AQR: variants seen among roughly 807,000 people sequenced by gnomAD.
AQR encodes aquarius intron-binding spliceosomal factor.
Under a neutral mutation model 180.5 loss-of-function variants are expected in AQR, and 61 were observed. That is an observed-to-expected ratio of 0.34 (90% CI 0.28 to 0.42). The LOEUF (loss-of-function observed/expected upper bound fraction) is 0.42. Ranked by LOEUF, AQR falls within the 10% of genes least tolerant of loss-of-function variation. The pLI, the probability that AQR is intolerant of heterozygous loss-of-function variation, is 1.00. For missense variants in AQR, 1,281 were observed against 1,798.3 expected (o/e 0.71, Z 5.20); for synonymous variants, 551 against 588.8 (o/e 0.94, Z 0.93).
At chr15:34,879,768 A>G (rs988732481) in intron 27 of AQR, among the ~76,000 whole-genome samples, 5 of 152,248 alleles carry the variant, frequency 3.3e-5, no homozygotes, top group African/African-American at 1.2e-4. Flanking sequence ...CTCACCCCCA[A>G]TAGACAACAG....
intron 3 of AQR, among the ~76,000 whole-genome samples, chr15:34,960,457 A>G (rs993273481): frequency 6.6e-6 from 1 of 152,134 alleles, no homozygotes; most frequent in Non-Finnish European, 1.5e-5. Context: ...TCTTACTTTC[A>G]TAACTTTTTA....
At chr15:34,895,188 ATATATATATATATAT>A (rs1358610994) in intron 22 of AQR, among the ~76,000 whole-genome samples, 17 of 11,300 alleles carry the variant, frequency 1.5e-3, no homozygotes, top group Middle Eastern at 0.083. Flanking sequence ...AAAAAAAAAA[ATATATATATATATAT>A]ATATATATAT....
At chr15:34,886,705 G>T in intron 24 of AQR, 44 bp from the exon 25 acceptor site, 1 of 1,548,170 alleles carries the variant, frequency 6.5e-7, no homozygotes, top group South Asian at 1.2e-5. Context: ...GTAATAAAGA[G>T]ACTTTGAAGG....
rs1229652190 is a variant in AQR, at chr15:34,900,920, C to A, written c.2002-57G>T. On this transcript the variant is annotated intron_variant, in intron 19 of 34. Coordinates refer to ENST00000156471, the MANE Select transcript of AQR (RefSeq NM_014691.3). ...CAGTATGACATCTCCAACATTTGCA[C>A]TTACTGGAATGCAGAGCTGGCTGCA... The A allele has an allele frequency of 2.6e-6, 4 of 1,525,984 alleles. No individual in the cohort carries two copies. The African/African-American group carries it at 5.5e-5, about 21-fold the overall frequency. 94.5% of individuals were successfully genotyped at this position (1,525,984 alleles called of 1,614,324 possible). A position where few individuals can be genotyped will look rare whatever the true frequency, so the allele number is the denominator to read the frequency against.
chr15:34,950,084 CTTTTTTTTTTTT>C (rs1174370425), intron 4 of AQR, among the ~76,000 whole-genome samples: 5 of 74,058 alleles, frequency 6.8e-5, no homozygotes, highest in Non-Finnish European at 9.1e-5. Flanking sequence ...TGCTATTTTC[CTTTTTTTTTTTT>C]TTTTTTTTTT....
chr15:34,921,882 C>T (rs1893689396), intron 13 of AQR, among the ~76,000 whole-genome samples: 1 of 152,164 alleles, frequency 6.6e-6, no homozygotes, highest in Admixed American at 6.5e-5. Flanking sequence ...ATGATCTCAG[C>T]TCACTGTTAC....
chr15:34,867,440 A>G, intron 32 of AQR, 84 bp downstream of exon 32: 1 of 1,211,066 alleles, frequency 8.3e-7, no homozygotes, highest in Non-Finnish European at 1.2e-6. Context: ...CTTAAAAAAT[A>G]TTTAGAACAC....
intron 15 of AQR, 98 bp from the exon 16 acceptor site, chr15:34,915,277 G>A (rs954991808): frequency 5.9e-5 from 70 of 1,189,838 alleles, no homozygotes; most frequent in Non-Finnish European, 7.2e-5. Flanking sequence ...TGCAACCTCC[G>A]CCTCCCAGAT....
At chr15:34,958,561 T>C (rs1424438041) in intron 3 of AQR, among the ~76,000 whole-genome samples, 2 of 152,140 alleles carry the variant, frequency 1.3e-5, no homozygotes, top group Non-Finnish European at 2.9e-5. Flanking sequence ...GAGAGCTACA[T>C]ATAAAAAGCA....
intron 9 of AQR, 78 bp from the exon 10 acceptor site, chr15:34,934,713 T>A: frequency 1.1e-6 from 1 of 882,482 alleles, no homozygotes. Flanking sequence ...CTGGCAGTTA[T>A]TTAATAACTT....
chr15:34,889,892 A>G (rs1893116871), intron 24 of AQR, among the ~76,000 whole-genome samples: 1 of 152,232 alleles, frequency 6.6e-6, no homozygotes, highest in African/African-American at 2.4e-5. Context: ...GGAATCATTT[A>G]AAGTTGTACA....
chr15:34,890,330 C>T lies in AQR; in HGVS notation c.2572-6G>A. 1.9e-6 allele frequency: 3 copies of T among 1,609,246 alleles called. No homozygotes were observed. The highest frequency in any genetic ancestry group is 2.5e-6 in the Non-Finnish European group (3 of 1,178,288). ...TCAAACAACTGGTTTAGGGCCTAGA[C>T]AATAAAGCAAGAAGGGTGACGGCAC... On this transcript the variant is annotated splice_polypyrimidine_tract_variant and splice_region_variant and intron_variant, in intron 23 of 34. Coordinates refer to ENST00000156471, the MANE Select transcript of AQR (RefSeq NM_014691.3).
intron 16 of AQR, among the ~76,000 whole-genome samples, chr15:34,914,601 G>A (rs1372963620): frequency 3.3e-5 from 5 of 152,176 alleles, no homozygotes; most frequent in Non-Finnish European, 7.3e-5. Context: ...GGCTGCCTGA[G>A]AATACTGTGG....
intron 3 of AQR, among the ~76,000 whole-genome samples, 171 bp downstream of exon 3, chr15:34,960,603 C>T (rs913087214): frequency 1.3e-5 from 2 of 152,030 alleles, no homozygotes; most frequent in African/African-American, 4.8e-5. Flanking sequence ...AGTTAGAAGG[C>T]AAAAAATAAT....
chr15:34,939,949 T>C lies in AQR; in HGVS notation c.641+950A>G, dbSNP rs1401104395. On this transcript the variant is annotated intron_variant, in intron 8 of 34. Transcript: ENST00000156471. ...ATTGAGTGTGGAATCTAGCTAAGTC[T>C]GATTGTAGAACCTACATCCTCAACT... Among the ~76,000 whole-genome samples the C allele has an allele frequency of 3.3e-5, 5 of 152,316 alleles. No homozygotes were observed. In the East Asian group the frequency reaches 9.6e-4, roughly 29 times the overall value.
chr15:34,945,577 T>A (rs1039768239), intron 5 of AQR, among the ~76,000 whole-genome samples: 4 of 152,346 alleles, frequency 2.6e-5, no homozygotes, highest in African/African-American at 9.6e-5. Context: ...TCTTCCTTTC[T>A]GTATTTCTAT....
intron 14 of AQR, among the ~76,000 whole-genome samples, chr15:34,919,718 G>T (rs985655278): frequency 6.6e-6 from 1 of 151,920 alleles, no homozygotes; most frequent in South Asian, 2.1e-4. Context: ...CCAACGTGGC[G>T]AAACTCTATC....
At chr15:34,886,166 T>C (rs1427435099) in intron 25 of AQR, among the ~76,000 whole-genome samples, 3 of 152,192 alleles carry the variant, frequency 2.0e-5, no homozygotes, top group East Asian at 1.9e-4. Context: ...GATTAATGTA[T>C]ACAATAAAAG....
chr15:34,957,676 G>C (rs2140506442), intron 3 of AQR, among the ~76,000 whole-genome samples: 1 of 147,734 alleles, frequency 6.8e-6, no homozygotes, highest in East Asian at 2.0e-4. Context: ...ACTCCAGCCT[G>C]GGCAACAAGA....
Sources: allele counts gnomAD v4.1 joint callset (sites outside exome capture counted in the v4.1 genomes callset), GRCh38; gene constraint gnomAD v4.1.1; transcripts MANE v1.5; gene names NCBI Gene and HGNC (gene_info 2026-07-23, HGNC 2026-07-21).